Variants in FLG observed in about 807,000 individuals in gnomAD.
FLG encodes the protein filaggrin.
In FLG, 6 loss-of-function variants were observed where a neutral mutation model predicts 3.8. The observed-to-expected ratio is 1.60, with a 90% CI of 0.87 to 3.15. The LOEUF (loss-of-function observed/expected upper bound fraction) is 3.15, where lower values mean the gene tolerates loss of function less well. Ranked by LOEUF, FLG falls within the 30% of genes most tolerant of loss-of-function variation. The probability of loss-of-function intolerance (pLI) is 0.00; values close to 1 mark genes in which losing one functional copy is unlikely to be tolerated. For missense variants in FLG, 7,595 were observed against 5,050.9 expected (o/e 1.50, Z -15.27); for synonymous variants, 2,551 against 1,931.6 (o/e 1.32, Z -8.41).
At position 152,309,580 on chromosome 1, in the gene FLG, A is replaced by G; in HGVS notation, c.5306T>C (p.Val1769Ala). The G allele has an allele frequency of 6.2e-7, 1 of 1,613,144 alleles. No homozygotes were observed. The highest frequency in any genetic ancestry group is 8.5e-7 in the Non-Finnish European group (1 of 1,179,826). ...SGRSGSFLYQ[V>A]STHEQSESAH... ...GGACTCAGACTGTTCATGAGTGCTC[A>G]CCTGGTAGAGGAAAGACCCTGAACG... is the stretch of plus-strand genomic sequence containing the variant. Residue 1769 changes from valine to alanine, a missense_variant, in exon 3 of 3, where the codon GTG (valine) becomes GCG (alanine). Coordinates refer to ENST00000368799, the MANE Select transcript of FLG (RefSeq NM_002016.2).
rs139943604 is a variant in FLG, at chr1:152,309,177, T to A, written c.5709A>T (p.Gly1903=). The A allele has an allele frequency of 4.3e-6, 7 of 1,613,484 alleles. No individual in the cohort carries two copies. The African/African-American group carries it at 9.4e-5, about 22-fold the overall frequency. Residue 1903 remains glycine, a synonymous_variant, in exon 3 of 3, where the codon GGA becomes GGT. Transcript: ENST00000368799. ...TGCTTGTCCTGGGCCCTGATGATTG[T>A]CCCTGGCCCACCTGCGAGTGTCTAG... is the stretch of plus-strand genomic sequence containing the variant. ...DSSRHSQVGQ[G]QSSGPRTSRN... is the part of the protein sequence containing the mutation.
In FLG at chr1:152,302,753, T is replaced by C. The variant is rs144304274; in HGVS notation, c.12133A>G (p.Ile4045Val). 9.3e-6 allele frequency: 15 copies of C among 1,614,062 alleles called. No individual in the cohort carries two copies. Among genetic ancestry groups the C allele is most frequent in the African/African-American group, 2.7e-5 (2 of 74,938 alleles). Residue 4045 changes from isoleucine (I) to valine (V), a missense_variant, in exon 3 of 3, where the codon ATA becomes GTA. Coordinates refer to ENST00000368799, the MANE Select transcript of FLG (RefSeq NM_002016.2). The stretch of plus-strand genomic sequence containing the variant: ...TGACTAAATCCCAGTTGTTTCGATA[T>C]ATCACTAGAATGGCCACATAAACCT... ...DPGLCGHSSDISKQLGFSQSQ... is the reference protein window; with the variant it reads ...DPGLCGHSSDVSKQLGFSQSQ...
Position 152,310,969 on chromosome 1 carries a change from G to C in FLG, c.3917C>G (p.Ser1306Cys), listed in dbSNP as rs767976800. 6.2e-7 allele frequency: 1 copy of C among 1,613,936 alleles called. No homozygotes were observed. The highest frequency in any genetic ancestry group is 8.5e-7 in the Non-Finnish European group (1 of 1,179,998). Reference sequence around the variant, plus strand: ...TTCTTGATGGAACCCAGGGTGTCTGGAGCCATCTCTTGACTGCTCCCGAGA... The same window carrying C: ...TTCTTGATGGAACCCAGGGTGTCTGCAGCCATCTCTTGACTGCTCCCGAGA... The part of the protein sequence containing the change: ...GSSREQSRDG[S>C]RHPGFHQEDR... Residue 1306 changes from serine (S) to cysteine (C), a missense_variant, in exon 3 of 3, where the codon TCC becomes TGC. Transcript: ENST00000368799.
At position 152,311,099 on chromosome 1, in the gene FLG, T is replaced by C; in HGVS notation, c.3787A>G (p.Ser1263Gly). The C allele has an allele frequency of 6.2e-7, 1 of 1,613,958 alleles. No homozygotes were observed. Among genetic ancestry groups the C allele is most frequent in the Non-Finnish European group, 8.5e-7 (1 of 1,180,004 alleles). The change falls in exon 3 of 3, where the codon AGC (serine) becomes GGC (glycine). Residue 1263 changes from serine (S) to glycine (G), a missense_variant. Coordinates refer to ENST00000368799, the MANE Select transcript of FLG (RefSeq NM_002016.2). ...CTAACACTGGATCCCTGGTGCCTGCTTGTCCTGGACCCCGATGATTGTTCC... is the reference window on the plus strand; with the variant it reads ...CTAACACTGGATCCCTGGTGCCTGCCTGTCCTGGACCCCGATGATTGTTCC... Reference protein sequence around the residue: ...GQEQSSGSRTSRHQGSSVSQD... With the variant: ...GQEQSSGSRTGRHQGSSVSQD...
chr1:152,304,263 C>T lies in FLG; in HGVS notation c.10623G>A (p.Gln3541=). 6 of 1,613,266 alleles carry T rather than the reference C, an allele frequency of 3.7e-6. No homozygotes were observed. The highest frequency in any genetic ancestry group is 5.1e-6 in the Non-Finnish European group (6 of 1,179,678). ...TSRNQGSSVS[Q]DSDSQGHSED... ...CTGAGTGTCCCTGACTGTCACTGTC[C>T]TGGCTAACACTGGATCCCTGGTTCC... The change falls in exon 3 of 3, where the codon CAG becomes CAA. Residue 3541 remains glutamine, a synonymous_variant. Transcript: ENST00000368799.
At position 152,312,428 on chromosome 1, in the gene FLG, A is replaced by T. The variant is rs1425040267; in HGVS notation, c.2458T>A (p.Ser820Thr). The T allele has an allele frequency of 3.7e-6, 6 of 1,613,160 alleles. No individual in the cohort carries two copies. Among genetic ancestry groups the T allele is most frequent in the Admixed American group, 3.3e-5 (2 of 59,942 alleles). ...TTGTCTCGTGCCTGCTCATGGTGGG[A>T]TCCTTGTCTTACTCCAGTGCTGGGC... ...TGPSTGVRQG[S>T]HHEQARDNSR... Residue 820 changes from serine (S) to threonine (T), a missense_variant, in exon 3 of 3, where the codon TCC (serine) becomes ACC (threonine). By Grantham distance (58) the Ser-to-Thr change is moderately conservative (BLOSUM62 1). Transcript: ENST00000368799.
rs190549059 is a variant in FLG, at chr1:152,314,877, T to G, written c.139-130A>C. The G allele has an allele frequency of 4.7e-6, 5 of 1,071,780 alleles. No homozygotes were observed. In the South Asian group the frequency reaches 6.5e-5, roughly 14 times the overall value. 66.4% of individuals were successfully genotyped at this position (1,071,780 alleles called of 1,614,324 possible). A position where few individuals can be genotyped will look rare whatever the true frequency, so the allele number is the denominator to read the frequency against. On this transcript the variant is annotated intron_variant, in intron 2 of 2. Transcript: ENST00000368799. ...AGTGGGACAAAATCTTTTTTTTTTT[T>G]AAGACTTTTTTGTCTCATCCTCATT...
At position 152,309,983 on chromosome 1, in the gene FLG, A is replaced by T; in HGVS notation, c.4903T>A (p.Ser1635Thr). The T allele has an allele frequency of 6.2e-7, 1 of 1,613,650 alleles. No homozygotes were observed. Residue 1635 changes from serine to threonine, a missense_variant, in exon 3 of 3, where the codon TCC (serine) becomes ACC (threonine). Ser to Thr is a moderately conservative substitution (Grantham distance 58). Coordinates refer to ENST00000368799, the MANE Select transcript of FLG (RefSeq NM_002016.2). ...QSRHGSRNPR[S>T]HQEDRASHGH... ...TGACTGGCTCTATCTTCTTGATGGGACCTGGGGTTCCTGGAGCCATGTCTT... is the reference window on the plus strand; with the variant it reads ...TGACTGGCTCTATCTTCTTGATGGGTCCTGGGGTTCCTGGAGCCATGTCTT...
In FLG at chr1:152,307,410, G is replaced by T. The variant is rs750954047; in HGVS notation, c.7476C>A (p.His2492Gln). ...VDRSGHSGSHHSHTTSQGRSD... is the reference protein window; with the variant it reads ...VDRSGHSGSHQSHTTSQGRSD... ...ACCTTCCCTGGGATGTGGTGTGGCT[G>T]TGATGAGACCCTGAGTGTCCAGATC... Residue 2492 changes from histidine (H) to glutamine (Q), a missense_variant, in exon 3 of 3, where the codon CAC becomes CAA. Physicochemically the swap from His to Gln is conservative, Grantham distance 24. Transcript: ENST00000368799. 24 of 1,613,166 alleles carry T rather than the reference G, an allele frequency of 1.5e-5. No homozygotes were observed. Among genetic ancestry groups the T allele is most frequent in the Non-Finnish European group, 2.0e-5 (24 of 1,179,700 alleles).
Position 152,307,185 on chromosome 1 carries a change from A to G in FLG, c.7701T>C (p.Phe2567=). The G allele has an allele frequency of 6.2e-7, 1 of 1,612,494 alleles. No individual in the cohort carries two copies. The highest frequency in any genetic ancestry group is 2.2e-5 in the East Asian group (1 of 44,790). The change falls in exon 3 of 3, where the codon TTT becomes TTC. Residue 2567 remains phenylalanine (F), a synonymous_variant. Transcript: ENST00000368799. The stretch of plus-strand genomic sequence containing the variant: ...GTCCCTGACTGTCACTGTCCTGGCT[A>G]AAACTGGATCCCCAGTTCCTGCTTG... ...PRTSRNWGSS[F]SQDSDSQGHS...
rs1196332619 is a variant in FLG at position 152,314,110 on chromosome 1, C to G, written c.776G>C (p.Arg259Thr). The G allele has an allele frequency of 5.6e-6, 9 of 1,614,092 alleles. No individual in the cohort carries two copies. The highest frequency in any genetic ancestry group is 7.6e-6 in the Non-Finnish European group (9 of 1,179,986). The change falls in exon 3 of 3, where the codon AGA becomes ACA. Residue 259 changes from arginine (R) to threonine (T), a missense_variant. Coordinates refer to ENST00000368799, the MANE Select transcript of FLG (RefSeq NM_002016.2). ...SLLEENKIYE[R>T]SRSSDGKSSS... ...TGATTTGCCATCAGATGACCTTGAT[C>G]TTTCATATATTTTGTTTTCTTCTAA...
chr1:152,313,757 T>C lies in FLG; in HGVS notation c.1129A>G (p.Arg377Gly). 1 of 1,614,052 alleles carries C rather than the reference T, an allele frequency of 6.2e-7. No homozygotes were observed. Among genetic ancestry groups the C allele is most frequent in the Non-Finnish European group, 8.5e-7 (1 of 1,179,968 alleles). ...CCATGTCTTTCTCCTGGACTTGATC[T>C]TGCCTGTTCATGGGATGATGCAGTC... ...GQTASSHEQA[R>G]SSPGERHGSG... Residue 377 changes from arginine (R) to glycine (G), a missense_variant, in exon 3 of 3, where the codon AGA becomes GGA. By Grantham distance (125) the Arg-to-Gly change is moderately radical (BLOSUM62 -2). Coordinates refer to ENST00000368799, the MANE Select transcript of FLG (RefSeq NM_002016.2).
intron 1 of FLG, among the ~76,000 whole-genome samples, chr1:152,319,116 C>T (rs1026559333): frequency 2.9e-4 from 44 of 151,542 alleles, no homozygotes; most frequent in African/African-American, 9.9e-4. Context: ...AGTAATACAA[C>T]ATAAAGTCAG....
Position 152,305,069 on chromosome 1 carries a change from G to T in FLG, c.9817C>A (p.Gln3273Lys), listed in dbSNP as rs1165863321. The change falls in exon 3 of 3, where the codon CAA becomes AAA. Residue 3273 changes from glutamine (Q) to lysine (K), a missense_variant. Coordinates refer to ENST00000368799, the MANE Select transcript of FLG (RefSeq NM_002016.2). ...GHGHSADRSR[Q>K]SGTRHAETSS... The stretch of plus-strand genomic sequence containing the variant: ...GTCTCTGCGTGACGAGTGCCTGATT[G>T]TCTGGAGCGGTCTGCAGAGTGCCCG... 1 of 1,613,890 alleles carries T rather than the reference G, an allele frequency of 6.2e-7. No individual in the cohort carries two copies. The highest frequency in any genetic ancestry group is 8.5e-7 in the Non-Finnish European group (1 of 1,179,970).
chr1:152,307,741 G>A lies in FLG; in HGVS notation c.7145C>T (p.Ser2382Leu). 1 of 1,613,400 alleles carries A rather than the reference G, an allele frequency of 6.2e-7. No individual in the cohort carries two copies. The highest frequency in any genetic ancestry group is 8.5e-7 in the Non-Finnish European group (1 of 1,179,782). ...EGHSEDSDTQ[S>L]VSAHGQAGPH... ...CCCAGCCTGTCCGTGGGCTGACACT[G>A]ACTGTGTGTCTGAGTCTTCTGAATG... Residue 2382 changes from serine (S) to leucine (L), a missense_variant, in exon 3 of 3, where the codon TCA (serine) becomes TTA (leucine). Coordinates refer to ENST00000368799, the MANE Select transcript of FLG (RefSeq NM_002016.2).
At position 152,303,701 on chromosome 1, in the gene FLG, G is replaced by A. The variant is rs1218348577; in HGVS notation, c.11185C>T (p.Pro3729Ser). 1 of 1,613,834 alleles carries A rather than the reference G, an allele frequency of 6.2e-7. No homozygotes were observed. The highest frequency in any genetic ancestry group is 1.1e-5 in the South Asian group (1 of 91,064). Residue 3729 changes from proline to serine, a missense_variant, in exon 3 of 3, where the codon CCC (proline) becomes TCC (serine). Transcript: ENST00000368799. ...QSESAHGRAG[P>S]STGGRQGSRH... is the part of the protein sequence containing the mutation. ...GATCCTTGTCTTCCTCCAGTACTGG[G>A]CCCAGCCCGTCCATGGGCAGACTCA...
In FLG at chr1:152,311,125, T is replaced by A; in HGVS notation, c.3761A>T (p.Gln1254Leu). 1 of 1,613,974 alleles carries A rather than the reference T, an allele frequency of 6.2e-7. No individual in the cohort carries two copies. The highest frequency in any genetic ancestry group is 8.5e-7 in the Non-Finnish European group (1 of 1,180,000). The change falls in exon 3 of 3, where the codon CAG (glutamine) becomes CTG (leucine). Residue 1254 changes from glutamine to leucine, a missense_variant. Gln to Leu is a moderately radical substitution (Grantham distance 113). Coordinates refer to ENST00000368799, the MANE Select transcript of FLG (RefSeq NM_002016.2). Reference protein sequence around the residue: ...ADSSRHSQVGQEQSSGSRTSR... With the variant: ...ADSSRHSQVGLEQSSGSRTSR... ...TGTCCTGGACCCCGATGATTGTTCC[T>A]GTCCCACCTGTGAGTGTCTAGAGCT... is the stretch of plus-strand genomic sequence containing the variant.
rs140261784 is a variant in FLG at position 152,313,866 on chromosome 1, A to C, written c.1020T>G (p.Asp340Glu). ...RDGSRHPRSH[D>E]EDRASHGHSA... ...AGTGCCCATGACTGGCTCTGTCTTC[A>C]TCATGGGACCTGGGGTGTCTGGAGC... The change falls in exon 3 of 3, where the codon GAT (aspartate) becomes GAG (glutamate). Residue 340 changes from aspartate to glutamate, a missense_variant. Coordinates refer to ENST00000368799, the MANE Select transcript of FLG (RefSeq NM_002016.2). 2.5e-6 allele frequency: 4 copies of C among 1,613,788 alleles called. No individual in the cohort carries two copies. Among genetic ancestry groups the C allele is most frequent in the East Asian group, 4.5e-5 (2 of 44,854 alleles).
chr1:152,313,267 C>A lies in FLG; in HGVS notation c.1619G>T (p.Gly540Val). Residue 540 changes from glycine (G) to valine (V), a missense_variant, in exon 3 of 3, where the codon GGA (glycine) becomes GTA (valine). Gly to Val is a moderately radical substitution (Grantham distance 109, BLOSUM62 -3). Transcript: ENST00000368799. ...SHHEQSVNRS[G>V]HSGSHHSHTT... ...GTGGCTGTGATGGGAACCTGAGTGT[C>A]CAGACCTATTTACCGATTGCTCGTG... 1 of 1,613,876 alleles carries A rather than the reference C, an allele frequency of 6.2e-7. No individual in the cohort carries two copies. The highest frequency in any genetic ancestry group is 8.5e-7 in the Non-Finnish European group (1 of 1,180,012).
Sources: allele counts gnomAD v4.1 joint callset (sites outside exome capture counted in the v4.1 genomes callset), GRCh38; gene constraint gnomAD v4.1.1; transcripts MANE v1.5; gene names NCBI Gene and HGNC (gene_info 2026-07-23, HGNC 2026-07-21).